Variants in METTL13 observed in about 807,000 individuals in gnomAD.
METTL13 encodes the protein methyltransferase 13, eEF1A N-terminus and K55.
METTL13 carries 52 observed loss-of-function variants against 67.4 expected under a neutral mutation model. The ratio of observed to expected loss-of-function variants is 0.77; its 90% CI spans 0.62 to 0.97. METTL13 has a LOEUF of 0.97. Ranked by LOEUF, METTL13 falls within the 50% of genes least tolerant of loss-of-function variation. METTL13 has a pLI of 0.00. For missense variants in METTL13, 825 were observed against 889.6 expected, an observed-to-expected ratio of 0.93 and a Z score of 0.92; for synonymous variants, 354 against 353.6, an observed-to-expected ratio of 1.00 and a Z score of -0.01.
intron 1 of METTL13, among the ~76,000 whole-genome samples, chr1:171,782,583 C>T (rs7552369): frequency 0.5 from 75,000 of 151,056 alleles, 18,995 homozygotes; most frequent in East Asian, 0.64. Flanking sequence ...AAAAACATTT[C>T]TTTAAAGGTT....
At chr1:171,793,225 T>C (rs2124905996) in intron 6 of METTL13, among the ~76,000 whole-genome samples, 1 of 152,370 alleles carries the variant, frequency 6.6e-6, no homozygotes, top group Admixed American at 6.5e-5. Flanking sequence ...ATCTTAATTT[T>C]AATTGCAAAC....
rs182276184 is a variant in METTL13, at chr1:171,782,095, A to G, written c.128A>G (p.His43Arg). The change falls in exon 1 of 8, where the codon CAT becomes CGT. Residue 43 changes from histidine (H) to arginine (R), a missense_variant. Coordinates refer to ENST00000361735, the MANE Select transcript of METTL13 (RefSeq NM_015935.5). ...TACCTGGAACTGTGCGGGGTGCTACATAAATATATCAAGCCCAGGGAAAAG... is the reference window on the plus strand; with the variant it reads ...TACCTGGAACTGTGCGGGGTGCTACGTAAATATATCAAGCCCAGGGAAAAG... The part of the protein sequence containing the change: ...GTYLELCGVL[H>R]KYIKPREKVL... The G allele has an allele frequency of 1.1e-5, 18 of 1,614,074 alleles. No homozygotes were observed. The Admixed American group carries it at 2.8e-4, about 25-fold the overall frequency.
rs1486130415 is a variant in METTL13, at chr1:171,792,109, G to T, written c.1567G>T (p.Val523Leu). The T allele has an allele frequency of 1.2e-6, 2 of 1,614,010 alleles. No individual in the cohort carries two copies. The highest frequency in any genetic ancestry group is 4.5e-5 in the East Asian group (2 of 44,898). The change falls in exon 6 of 8, where the codon GTG (valine) becomes TTG (leucine). Residue 523 changes from valine (V) to leucine (L), a missense_variant. Coordinates refer to ENST00000361735, the MANE Select transcript of METTL13 (RefSeq NM_015935.5). Reference protein sequence around the residue: ...DHFPKSCIDAVEIDPSMLEVA... With the variant: ...DHFPKSCIDALEIDPSMLEVA... Reference sequence around the variant, plus strand: ...TTTTCCAAAGTCCTGCATTGATGCTGTGGAGATCGATCCCTCCATGTTGGA... The same window carrying T: ...TTTTCCAAAGTCCTGCATTGATGCTTTGGAGATCGATCCCTCCATGTTGGA...
chr1:171,795,135 CTT>C (rs1657325154), intron 7 of METTL13, among the ~76,000 whole-genome samples: 1 of 152,160 alleles, frequency 6.6e-6, no homozygotes, highest in Admixed American at 6.5e-5. Flanking sequence ...TGAATGTACT[CTT>C]TAAGTGTCCA....
chr1:171,795,135 C>T (rs996747195), intron 7 of METTL13, among the ~76,000 whole-genome samples: 7 of 152,160 alleles, frequency 4.6e-5, no homozygotes, highest in African/African-American at 1.4e-4. Context: ...TGAATGTACT[C>T]TTTAAGTGTC....
At chr1:171,788,060 G>C (rs1442969027) in intron 4 of METTL13, 130 bp downstream of exon 4, 6 of 827,582 alleles carry the variant, frequency 7.3e-6, no homozygotes, top group Non-Finnish European at 9.7e-6. Flanking sequence ...CTCTTAGGGT[G>C]TGAATAGCTA....
Position 171,797,212 on chromosome 1 carries a change from A to G in METTL13, c.*456A>G, listed in dbSNP as rs12087804. Reference sequence around the variant, plus strand: ...AGACCATAAATAGAGTAAGGTTTCTATAGATGTGAGACAGATTTGAGAGAG... The same window carrying G: ...AGACCATAAATAGAGTAAGGTTTCTGTAGATGTGAGACAGATTTGAGAGAG... On this transcript the variant is annotated 3_prime_UTR_variant, in exon 8 of 8. Coordinates refer to ENST00000361735, the MANE Select transcript of METTL13 (RefSeq NM_015935.5). 1,319 of 158,032 alleles carry G rather than the reference A, an allele frequency of 8.3e-3. 31 individuals carry two copies. The highest frequency in any genetic ancestry group is 0.03 in the African/African-American group (1,243 of 41,616). The allele number at this position is 158,032 out of a possible 1,614,324, so 9.8% of individuals were successfully genotyped here. A position where few individuals can be genotyped will look rare whatever the true frequency, so the allele number is the denominator to read the frequency against.
rs768804578 is a variant in METTL13 at position 171,784,117 on chromosome 1, G to A, written c.531G>A (p.Glu177=). The A allele has an allele frequency of 2.5e-6, 4 of 1,614,132 alleles. No homozygotes were observed. Among genetic ancestry groups the A allele is most frequent in the East Asian group, 2.2e-5 (1 of 44,890 alleles). ...AAGCAGTGGGCCACTTCTCCCGGGA[G>A]GGGTGGATGGTGAGGGTGCACCAAG... ...LKKAVGHFSR[E]GWMVRVHQVA... The change falls in exon 2 of 8, where the codon GAG becomes GAA. Residue 177 remains glutamate (E), a synonymous_variant. Coordinates refer to ENST00000361735, the MANE Select transcript of METTL13 (RefSeq NM_015935.5).
At chr1:171,791,947 C>A in intron 5 of METTL13, 70 bp from the exon 6 acceptor site, 1 of 1,542,458 alleles carries the variant, frequency 6.5e-7, no homozygotes, top group South Asian at 1.1e-5. Context: ...TCCCTTTTGC[C>A]TTCCCTGAGG....
chr1:171,796,939 C>G lies in METTL13; in HGVS notation c.*183C>G. The G allele has an allele frequency of 9.5e-6, 7 of 735,714 alleles. No homozygotes were observed. The highest frequency in any genetic ancestry group is 1.5e-5 in the Non-Finnish European group (7 of 467,660). The allele number at this position is 735,714 out of a possible 1,614,324, so 45.6% of individuals were successfully genotyped here. A position where few individuals can be genotyped will look rare whatever the true frequency, so the allele number is the denominator to read the frequency against. ...GATTAGGGAAAATAAAAATGTCCTT[C>G]CCATCTTGTCCTCTTCAGTACCACT... On this transcript the variant is annotated 3_prime_UTR_variant, in exon 8 of 8. Coordinates refer to ENST00000361735, the MANE Select transcript of METTL13 (RefSeq NM_015935.5).
chr1:171,785,190 G>A (rs1242182683), intron 2 of METTL13, among the ~76,000 whole-genome samples: 1 of 152,226 alleles, frequency 6.6e-6, no homozygotes, highest in Non-Finnish European at 1.5e-5. Flanking sequence ...AAAGCAGTAA[G>A]TTATATCAGA....
intron 3 of METTL13, 84 bp downstream of exon 3, chr1:171,786,162 A>G: frequency 1.4e-6 from 2 of 1,397,088 alleles, no homozygotes; most frequent in South Asian, 2.8e-5. Context: ...GGCAGGAGCT[A>G]GGACTAGAGT....
At chr1:171,784,567 G>C (rs931875818) in intron 2 of METTL13, 68 bp downstream of exon 2, 1 of 1,418,686 alleles carries the variant, frequency 7.0e-7, no homozygotes, top group African/African-American at 1.4e-5. Flanking sequence ...TTGGGCTGGG[G>C]CTGGGGCTGA....
intron 7 of METTL13, among the ~76,000 whole-genome samples, chr1:171,794,802 C>T (rs1657313959): frequency 6.6e-6 from 1 of 151,852 alleles, no homozygotes. Flanking sequence ...TAAATGGAAT[C>T]ATATGGAATG....
At chr1:171,783,699 G>C in intron 1 of METTL13, 41 bp from the exon 2 acceptor site, 2 of 1,566,918 alleles carry the variant, frequency 1.3e-6, no homozygotes, top group African/African-American at 1.4e-5. Context: ...ACAGTCCTTT[G>C]CTTTGATTAC....
intron 3 of METTL13, among the ~76,000 whole-genome samples, chr1:171,786,672 T>C (rs1657025452): frequency 6.6e-6 from 1 of 152,192 alleles, no homozygotes; most frequent in African/African-American, 2.4e-5. Flanking sequence ...TTTTTCTTTT[T>C]TGAGATAGGG....
intron 3 of METTL13, among the ~76,000 whole-genome samples, chr1:171,786,361 A>T (rs1320222828): frequency 6.6e-6 from 1 of 152,096 alleles, no homozygotes; most frequent in Non-Finnish European, 1.5e-5. Flanking sequence ...AGTTCTTCCT[A>T]ATTTGAGTTG....
In METTL13 at chr1:171,796,341, T is replaced by C. The variant is rs1657374738; in HGVS notation, c.1826-141T>C. 21 of 979,634 alleles carry C rather than the reference T, an allele frequency of 2.1e-5. 1 individual carries two copies. In the South Asian group the frequency reaches 3.1e-4, roughly 15 times the overall value. The allele number at this position is 979,634 out of a possible 1,614,324, so 60.7% of individuals were successfully genotyped here. A position where few individuals can be genotyped will look rare whatever the true frequency, so the allele number is the denominator to read the frequency against. On this transcript the variant is annotated intron_variant, in intron 7 of 7. Transcript: ENST00000361735. Reference sequence around the variant, plus strand: ...CCATCTGCCTTTCTATGCTGTGTATTCTCTGCAAACTCATCACCACCGTGT... The same window carrying C: ...CCATCTGCCTTTCTATGCTGTGTATCCTCTGCAAACTCATCACCACCGTGT...
Position 171,785,864 on chromosome 1 carries a change from A to C in METTL13, c.914-15A>C, listed in dbSNP as rs760034235. 3.7e-6 allele frequency: 6 copies of C among 1,611,170 alleles called. No homozygotes were observed. The highest frequency in any genetic ancestry group is 3.3e-5 in the Admixed American group (2 of 59,846). On this transcript the variant is annotated splice_polypyrimidine_tract_variant and intron_variant, in intron 2 of 7. Coordinates refer to ENST00000361735, the MANE Select transcript of METTL13 (RefSeq NM_015935.5). ...CACTTTCCAGGACTCCCTGTAACCA[A>C]GTTCTTTTTTCTAGTCCCTCAGGGC...
Sources: allele counts gnomAD v4.1 joint callset (sites outside exome capture counted in the v4.1 genomes callset), GRCh38; gene constraint gnomAD v4.1.1; transcripts MANE v1.5; gene names NCBI Gene and HGNC (gene_info 2026-07-23, HGNC 2026-07-21).